The following PLAC1 variants were observed in gnomAD, a reference collection of about 807,000 sequenced individuals.
PLAC1 encodes placenta associated 1.
For missense variants in PLAC1, 136 were observed against 163.2 expected, an observed-to-expected ratio of 0.83 and a Z score of 0.91; for synonymous variants, 68 against 62.1, an observed-to-expected ratio of 1.09 and a Z score of -0.44.
chrX:134,595,235 A>AT (rs1323728648), intron 2 of PLAC1, among the ~76,000 whole-genome samples: 32 of 110,749 alleles, frequency 2.9e-4, no homozygotes, highest in Admixed American at 1.9e-3. Context: ...ACTATGTACA[A>AT]TTGCAATTCT....
intron 2 of PLAC1, among the ~76,000 whole-genome samples, chrX:134,703,720 G>A (rs1048538058): frequency 3.6e-5 from 4 of 109,858 alleles, no homozygotes; most frequent in African/African-American, 1.3e-4. Flanking sequence ...CAATAAAGCT[G>A]TTTTTTCTTA....
At chrX:134,711,146 G>A (rs1415050197) in intron 2 of PLAC1, among the ~76,000 whole-genome samples, 1 of 111,753 alleles carries the variant, frequency 8.9e-6, no homozygotes, top group Non-Finnish European at 1.9e-5. Flanking sequence ...TTCCTCCTAT[G>A]TACTAGTCCT....
At chrX:134,573,143 C>G (rs1340298830) in intron 2 of PLAC1, among the ~76,000 whole-genome samples, 2 of 111,396 alleles carry the variant, frequency 1.8e-5, no homozygotes, top group African/African-American at 6.5e-5. Context: ...ATACAGAAAG[C>G]CATACTTTAG....
intron 2 of PLAC1, among the ~76,000 whole-genome samples, chrX:134,732,526 G>A (rs1473957009): frequency 9.0e-6 from 1 of 111,025 alleles, no homozygotes; most frequent in Non-Finnish European, 1.9e-5. Context: ...TGCCCACGAT[G>A]CTTACCCCAT....
At chrX:134,566,804 A>C (rs1331227237) in intron 2 of PLAC1, 64 bp from the exon 3 acceptor site, 1 of 551,461 alleles carries the variant, frequency 1.8e-6, no homozygotes, top group Non-Finnish European at 2.9e-6. Context: ...CAAACATGAT[A>C]TATTTTTTAA....
chrX:134,752,975 T>A (rs12393482), intron 1 of PLAC1, among the ~76,000 whole-genome samples: 4,844 of 111,679 alleles, frequency 0.043, 246 homozygotes, highest in African/African-American at 0.15. Flanking sequence ...GTTAAAATGG[T>A]ATAAAAGGCA....
chrX:134,629,831 A>G (rs1176381451), intron 1 of PLAC1, among the ~76,000 whole-genome samples: 1 of 111,743 alleles, frequency 8.9e-6, no homozygotes, highest in Non-Finnish European at 1.9e-5. Context: ...TTCACCTGCA[A>G]ACTGGAGGTA....
intron 2 of PLAC1, among the ~76,000 whole-genome samples, chrX:134,730,842 A>C (rs1165534860): frequency 9.0e-6 from 1 of 111,588 alleles, no homozygotes; most frequent in Non-Finnish European, 1.9e-5. Context: ...GAAAGGATGG[A>C]GCCGCCTCTT....
At chrX:134,594,907 A>G (rs1462933329) in intron 2 of PLAC1, among the ~76,000 whole-genome samples, 3 of 101,149 alleles carry the variant, frequency 3.0e-5, no homozygotes, top group African/African-American at 1.1e-4. Context: ...TGCTTGCCTT[A>G]TGTTTATTTG....
intron 1 of PLAC1, among the ~76,000 whole-genome samples, chrX:134,738,292 G>T (rs751168455): frequency 8.9e-6 from 1 of 112,226 alleles, no homozygotes; most frequent in African/African-American, 3.2e-5. Context: ...ACTGGCTTCA[G>T]GGAGAAGCAC....
rs572046645 is a variant in PLAC1 at position 134,695,981 on chromosome X, GA to G, written n.174+37453del. Among the ~76,000 whole-genome samples, 20 of 101,085 alleles carry G rather than the reference GA, an allele frequency of 2.0e-4. No homozygotes were observed. The South Asian group carries it at 3.9e-3, about 20-fold the overall frequency. 87.8% of individuals were successfully genotyped at this position (101,085 alleles called of 115,157 possible). A position where few individuals can be genotyped will look rare whatever the true frequency, so the allele number is the denominator to read the frequency against. On this transcript the variant is annotated intron_variant and non_coding_transcript_variant, in intron 2 of 2. Transcript: ENST00000466797. The stretch of plus-strand genomic sequence containing the variant: ...TCTCCATCTAGGATTGCCAGATTTA[GA>G]AAAAAAAAAGACATCCAGTTAAATT...
At chrX:134,740,316 T>C (rs904696637) in intron 1 of PLAC1, among the ~76,000 whole-genome samples, 132 of 67,739 alleles carry the variant, frequency 1.9e-3, no homozygotes, top group Non-Finnish European at 7.8e-4. Flanking sequence ...AAATTCCGTC[T>C]CCAAAAAAAA....
chrX:134,679,556 G>A (rs762122453), intron 2 of PLAC1, among the ~76,000 whole-genome samples: 9 of 111,292 alleles, frequency 8.1e-5, no homozygotes, highest in Non-Finnish European at 1.3e-4. Flanking sequence ...GACATTTTTC[G>A]TTGTCACACA....
rs751908493 is a variant in PLAC1 at position 134,667,278 on chromosome X, A to G, written n.175-65156T>C. Reference sequence around the variant, plus strand: ...AAAAATTTTGGAAATTACATATCTCATAAGAGACTTGTATCTAGATTACAT... The same window carrying G: ...AAAAATTTTGGAAATTACATATCTCGTAAGAGACTTGTATCTAGATTACAT... On this transcript the variant is annotated intron_variant and non_coding_transcript_variant, in intron 2 of 2. Transcript: ENST00000466797. Among the ~76,000 whole-genome samples, 252 of 112,462 alleles carry G rather than the reference A, an allele frequency of 2.2e-3. 3 individuals are homozygous for G. Among genetic ancestry groups the G allele is most frequent in the African/African-American group, 7.5e-3 (233 of 31,005 alleles).
At chrX:134,719,823 A>G (rs1045299389) in intron 2 of PLAC1, among the ~76,000 whole-genome samples, 1 of 111,364 alleles carries the variant, frequency 9.0e-6, no homozygotes, top group African/African-American at 3.3e-5. Context: ...AAAAACACTC[A>G]ATAAACAAGA....
intron 1 of PLAC1, among the ~76,000 whole-genome samples, chrX:134,739,432 C>A (rs139242340): frequency 3.6e-5 from 4 of 112,432 alleles, no homozygotes; most frequent in African/African-American, 1.3e-4. Flanking sequence ...CCTATGCCTA[C>A]ACTAGTGAGG....
intron 1 of PLAC1, among the ~76,000 whole-genome samples, chrX:134,619,717 C>G (rs913384644): frequency 9.1e-6 from 1 of 109,831 alleles, no homozygotes; most frequent in African/African-American, 3.3e-5. Flanking sequence ...AAATGATAAA[C>G]TAGAGATCAA....
chrX:134,718,694 A>G (rs2078649834), intron 2 of PLAC1, among the ~76,000 whole-genome samples: 1 of 112,161 alleles, frequency 8.9e-6, no homozygotes, highest in Non-Finnish European at 1.9e-5. Context: ...TGGCTACTTG[A>G]GGCCACCAGG....
chrX:134,570,849 CT>C (rs1340726721), intron 2 of PLAC1, among the ~76,000 whole-genome samples: 1 of 111,851 alleles, frequency 8.9e-6, no homozygotes, highest in Non-Finnish European at 1.9e-5. Context: ...TCCTCTTTCC[CT>C]TTTTTTCAAG....
Sources: allele counts gnomAD v4.1 joint callset (sites outside exome capture counted in the v4.1 genomes callset), GRCh38; gene constraint gnomAD v4.1.1; transcripts MANE v1.5; gene names NCBI Gene and HGNC (gene_info 2026-07-23, HGNC 2026-07-21).